Variants in TNRC6B observed in about 807,000 individuals in gnomAD.
TNRC6B encodes the protein trinucleotide repeat-containing gene 6B protein.
TNRC6B carries 52 observed loss-of-function variants against 203.6 expected under a neutral mutation model. The observed-to-expected ratio is 0.26, with a 90% CI of 0.20 to 0.32. TNRC6B has a LOEUF of 0.32. Among genes scored for constraint, TNRC6B ranks in the 10% least tolerant of loss-of-function variants. The probability of loss-of-function intolerance (pLI) is 1.00; values close to 1 mark genes in which losing one functional copy is unlikely to be tolerated. For synonymous variants in TNRC6B, 838 were observed against 845.7 expected (o/e 0.99, Z 0.16); for missense variants, 1,923 against 2,286.2 (o/e 0.84, Z 3.24).
intron 1 of TNRC6B, among the ~76,000 whole-genome samples, chr22:40,199,079 C>T (rs1013651271): frequency 1.3e-5 from 2 of 151,922 alleles, no homozygotes; most frequent in African/African-American, 2.4e-5. Context: ...CCAAAAGGAC[C>T]CAGAGTCAGT....
chr22:40,291,570 A>G (rs904209669), intron 12 of TNRC6B, among the ~76,000 whole-genome samples: 4 of 152,174 alleles, frequency 2.6e-5, no homozygotes, highest in Admixed American at 6.5e-5. Flanking sequence ...ACCTGATGTT[A>G]ACATTGTGTC....
Position 40,310,959 on chromosome 22 carries a change from C to T in TNRC6B, c.4401C>T (p.Ile1467=), listed in dbSNP as rs761947050. The stretch of plus-strand genomic sequence containing the variant: ...CCAAATCTCCACCAACAAATAAAAT[C>T]GGAAGTAAATCCAGCAATGCCAGTT... ...LPAKSPPTNK[I]GSKSSNASWP... Residue 1467 remains isoleucine, a synonymous_variant, in exon 17 of 23, where the codon ATC becomes ATT. Transcript: ENST00000454349. 10 of 1,609,478 alleles carry T rather than the reference C, an allele frequency of 6.2e-6. No homozygotes were observed. Among genetic ancestry groups the T allele is most frequent in the African/African-American group, 2.7e-5 (2 of 74,906 alleles).
chr22:40,067,696 CAGG>C (rs2146277258), intron 1 of TNRC6B, among the ~76,000 whole-genome samples: 1 of 152,246 alleles, frequency 6.6e-6, no homozygotes, highest in African/African-American at 2.4e-5. Flanking sequence ...TGTTCAAGAG[CAGG>C]AGGAGGAGGG....
At chr22:40,140,774 G>A (rs2068637580) in intron 3 of TNRC6B, among the ~76,000 whole-genome samples, 1 of 151,956 alleles carries the variant, frequency 6.6e-6, no homozygotes, top group Non-Finnish European at 1.5e-5. Flanking sequence ...CCAAGAAGCT[G>A]GGACTACAGG....
chr22:40,106,368 G>A, intron 1 of TNRC6B: 6 of 1,214,864 alleles, frequency 4.9e-6, no homozygotes, highest in Non-Finnish European at 7.1e-6. Flanking sequence ...CTTGTTGCCA[G>A]CATCTCCACC....
intron 3 of TNRC6B, among the ~76,000 whole-genome samples, chr22:40,257,150 C>G (rs949560248): frequency 6.6e-6 from 1 of 152,110 alleles, no homozygotes; most frequent in African/African-American, 2.4e-5. Flanking sequence ...AAAAACATTT[C>G]TAGGTCATTC....
intron 6 of TNRC6B, 142 bp downstream of exon 6, chr22:40,270,422 C>T (rs1001387485): frequency 5.1e-5 from 42 of 829,668 alleles, no homozygotes; most frequent in African/African-American, 7.2e-5. Context: ...CAGCTTCAAG[C>T]GATTCTCCTG....
At chr22:40,215,766 G>A (rs943792135) in intron 1 of TNRC6B, among the ~76,000 whole-genome samples, 1 of 152,028 alleles carries the variant, frequency 6.6e-6, no homozygotes, top group African/African-American at 2.4e-5. Flanking sequence ...TATATTCTTT[G>A]TATGACAATC....
intron 1 of TNRC6B, among the ~76,000 whole-genome samples, chr22:40,083,853 G>A (rs2068080630): frequency 6.6e-6 from 1 of 152,114 alleles, no homozygotes; most frequent in African/African-American, 2.4e-5. Context: ...TCTCAATGAA[G>A]AGTCATTGAC....
chr22:40,275,316 A>G (rs2070624028), intron 7 of TNRC6B, among the ~76,000 whole-genome samples: 1 of 152,230 alleles, frequency 6.6e-6, no homozygotes, highest in African/African-American at 2.4e-5. Context: ...CAATGAGACT[A>G]AATTAACTGA....
At position 40,224,897 on chromosome 22, in the gene TNRC6B, C is replaced by T. The variant is rs115198177; in HGVS notation, c.6-21118C>T. On this transcript the variant is annotated intron_variant, in intron 1 of 22. Coordinates refer to ENST00000454349, the MANE Select transcript of TNRC6B (RefSeq NM_001162501.2). ...TTACTCATCACCTTCTTTGCTGATG[C>T]AGAGTAGGTGCTTGATGTGGAGGAG... Among the ~76,000 whole-genome samples, 301 of 152,360 alleles carry T rather than the reference C, an allele frequency of 2.0e-3. 1 individual carries two copies. The highest frequency in any genetic ancestry group is 7.1e-3 in the African/African-American group (294 of 41,588).
intron 1 of TNRC6B, among the ~76,000 whole-genome samples, chr22:40,109,326 A>G (rs1211575299): frequency 6.6e-6 from 1 of 152,082 alleles, no homozygotes; most frequent in Non-Finnish European, 1.5e-5. Flanking sequence ...GTCAAATGGT[A>G]TTTCTGGTTC....
intron 13 of TNRC6B, 100 bp downstream of exon 13, chr22:40,300,686 C>G: frequency 6.9e-7 from 1 of 1,448,780 alleles, no homozygotes; most frequent in Non-Finnish European, 9.3e-7. Context: ...TTTCTATGTT[C>G]AAAGGGTGCT....
At chr22:40,268,485 T>C (rs2070511076) in intron 5 of TNRC6B, among the ~76,000 whole-genome samples, 1 of 152,166 alleles carries the variant, frequency 6.6e-6, no homozygotes, top group African/African-American at 2.4e-5. Flanking sequence ...TTTCAAGTAT[T>C]GAAAAGAATG....
At chr22:40,062,143 T>C (rs1349838674) in intron 1 of TNRC6B, among the ~76,000 whole-genome samples, 2 of 152,222 alleles carry the variant, frequency 1.3e-5, no homozygotes, top group African/African-American at 4.8e-5. Context: ...ATTATTGTTA[T>C]GCATTTTACT....
chr22:40,167,815 T>C (rs1297487724), intron 4 of TNRC6B, among the ~76,000 whole-genome samples: 1 of 151,490 alleles, frequency 6.6e-6, no homozygotes, highest in Non-Finnish European at 1.5e-5. Context: ...TCTGGCAGTT[T>C]GAGGCTGCAG....
At chr22:40,099,973 G>A (rs919153098) in intron 1 of TNRC6B, among the ~76,000 whole-genome samples, 2 of 152,072 alleles carry the variant, frequency 1.3e-5, no homozygotes, top group Admixed American at 6.5e-5. Context: ...GGATGGTCTC[G>A]ATCTCCTGAC....
At chr22:40,297,568 A>G (rs762211690) in intron 12 of TNRC6B, among the ~76,000 whole-genome samples, 2 of 152,244 alleles carry the variant, frequency 1.3e-5, no homozygotes, top group Non-Finnish European at 2.9e-5. Flanking sequence ...TCACGCCTGT[A>G]ATCCCAATAC....
chr22:40,057,147 C>T (rs1277409769), intron 1 of TNRC6B, among the ~76,000 whole-genome samples: 1 of 152,156 alleles, frequency 6.6e-6, no homozygotes, highest in Non-Finnish European at 1.5e-5. Flanking sequence ...ACTGATTATA[C>T]CTTTAAACTT....
Sources: allele counts gnomAD v4.1 joint callset (sites outside exome capture counted in the v4.1 genomes callset), GRCh38; gene constraint gnomAD v4.1.1; transcripts MANE v1.5; gene names NCBI Gene and HGNC (gene_info 2026-07-23, HGNC 2026-07-21).